ELMO1: variants seen among roughly 807,000 people sequenced by gnomAD.
ELMO1 encodes the protein engulfment and cell motility protein 1.
Under a neutral mutation model 98.9 loss-of-function variants are expected in ELMO1, and 26 were observed. The ratio of observed to expected loss-of-function variants is 0.26; its 90% CI spans 0.19 to 0.36. ELMO1 has a LOEUF of 0.36. Ranked by LOEUF, ELMO1 falls within the 10% of genes least tolerant of loss-of-function variation. ELMO1 has a pLI of 1.00. For missense variants in ELMO1, 627 were observed against 935.2 expected (o/e 0.67, Z 4.30); for synonymous variants, 346 against 346.0 (o/e 1.00, Z 0.00).
intron 6 of ELMO1, among the ~76,000 whole-genome samples, chr7:37,252,516 C>T (rs1020487891): frequency 2.0e-5 from 3 of 152,168 alleles, no homozygotes; most frequent in Admixed American, 2.0e-4. Context: ...GCTGGGAAAA[C>T]TGGCTAGCCA....
intron 15 of ELMO1, among the ~76,000 whole-genome samples, chr7:37,058,310 A>T (rs1484872314): frequency 2.0e-5 from 3 of 152,212 alleles, no homozygotes; most frequent in Non-Finnish European, 4.4e-5. Context: ...TGCAAAATTT[A>T]AAAAATCCCA....
intron 1 of ELMO1, among the ~76,000 whole-genome samples, chr7:37,406,074 A>C (rs1803745698): frequency 6.6e-6 from 1 of 152,206 alleles, no homozygotes. Flanking sequence ...GCCGTTAAGC[A>C]GACCTCATCT....
At chr7:36,879,660 T>C (rs560430188) in intron 18 of ELMO1, among the ~76,000 whole-genome samples, 13 of 152,310 alleles carry the variant, frequency 8.5e-5, no homozygotes, top group Non-Finnish European at 1.8e-4. Context: ...CATCTTTAAA[T>C]AGAGTTTGAG....
At chr7:37,249,699 G>A (rs1795231142) in intron 6 of ELMO1, among the ~76,000 whole-genome samples, 1 of 152,180 alleles carries the variant, frequency 6.6e-6, no homozygotes, top group South Asian at 2.1e-4. Flanking sequence ...GCTTTAAAAT[G>A]TATACATACT....
At chr7:37,067,928 A>G (rs1455364681) in intron 15 of ELMO1, among the ~76,000 whole-genome samples, 3 of 152,172 alleles carry the variant, frequency 2.0e-5, no homozygotes, top group African/African-American at 7.2e-5. Flanking sequence ...CTCATAAATA[A>G]AACAGTTCGA....
At chr7:37,122,604 G>A (rs564243026) in intron 14 of ELMO1, among the ~76,000 whole-genome samples, 1 of 152,254 alleles carries the variant, frequency 6.6e-6, no homozygotes, top group South Asian at 2.1e-4. Flanking sequence ...AAATATATAT[G>A]CACCCAATAC....
chr7:37,266,272 A>G (rs1243992846), intron 5 of ELMO1, among the ~76,000 whole-genome samples: 1 of 152,246 alleles, frequency 6.6e-6, no homozygotes, highest in East Asian at 1.9e-4. Flanking sequence ...AATTAAAAAA[A>G]AAAATTAATG....
Position 37,252,312 on chromosome 7 carries a change from C to T in ELMO1, c.413+6869G>A, listed in dbSNP as rs542105855. On this transcript the variant is annotated intron_variant, in intron 6 of 21. Coordinates refer to ENST00000310758, the MANE Select transcript of ELMO1 (RefSeq NM_014800.11). ...AAAAAGAACAAAGCTGGAGGCATCA[C>T]GCTACCTGACTTCAAACTATACTAC... Among the ~76,000 whole-genome samples, 287 of 152,278 alleles carry T rather than the reference C, an allele frequency of 1.9e-3. 1 individual carries two copies. Among genetic ancestry groups the T allele is most frequent in the African/African-American group, 6.7e-3 (279 of 41,554 alleles).
intron 13 of ELMO1, among the ~76,000 whole-genome samples, chr7:37,142,435 T>A (rs1386181231): frequency 6.6e-6 from 1 of 152,246 alleles, no homozygotes; most frequent in Non-Finnish European, 1.5e-5. Flanking sequence ...GCTATTCTTA[T>A]CCCGGTTCTA....
At chr7:37,139,299 T>C (rs1218975593) in intron 13 of ELMO1, among the ~76,000 whole-genome samples, 2 of 152,196 alleles carry the variant, frequency 1.3e-5, no homozygotes, top group Non-Finnish European at 2.9e-5. Flanking sequence ...TTGCTGATGA[T>C]ATGATTGTAT....
intron 16 of ELMO1, among the ~76,000 whole-genome samples, chr7:36,917,939 A>G (rs1784833684): frequency 1.3e-5 from 2 of 152,230 alleles, no homozygotes; most frequent in African/African-American, 4.8e-5. Flanking sequence ...TGAAAACATA[A>G]TACTGAGTGA....
intron 1 of ELMO1, among the ~76,000 whole-genome samples, chr7:37,422,665 A>G (rs1412340494): frequency 6.6e-6 from 1 of 152,120 alleles, no homozygotes; most frequent in Non-Finnish European, 1.5e-5. Context: ...TCCTATTTAG[A>G]AAAAAAAGCG....
chr7:36,974,987 GAA>G (rs1393016958), intron 16 of ELMO1, among the ~76,000 whole-genome samples: 1 of 151,916 alleles, frequency 6.6e-6, no homozygotes, highest in Non-Finnish European at 1.5e-5. Flanking sequence ...GAACACATCT[GAA>G]CATCAGAAGG....
chr7:37,373,149 A>G (rs948124572), intron 1 of ELMO1, among the ~76,000 whole-genome samples: 1 of 152,218 alleles, frequency 6.6e-6, no homozygotes, highest in Admixed American at 6.5e-5. Flanking sequence ...TGTAACACTG[A>G]AGACGGCGCT....
At chr7:37,312,414 C>G (rs1257790112) in intron 4 of ELMO1, among the ~76,000 whole-genome samples, 1 of 152,176 alleles carries the variant, frequency 6.6e-6, no homozygotes, top group Non-Finnish European at 1.5e-5. Flanking sequence ...ACTTTGTGCA[C>G]AACTTCTGGA....
At chr7:37,205,048 C>A (rs551944488) in intron 13 of ELMO1, among the ~76,000 whole-genome samples, 26 of 152,324 alleles carry the variant, frequency 1.7e-4, no homozygotes, top group Middle Eastern at 6.8e-3. Context: ...ACACAATTCT[C>A]CAAGTCCCCA....
intron 13 of ELMO1, among the ~76,000 whole-genome samples, chr7:37,187,395 A>C (rs1258618688): frequency 6.6e-6 from 1 of 152,170 alleles, no homozygotes; most frequent in African/African-American, 2.4e-5. Context: ...ACAACCCTGT[A>C]AACATACTAA....
At chr7:36,927,167 C>G (rs1785647017) in intron 16 of ELMO1, among the ~76,000 whole-genome samples, 1 of 152,142 alleles carries the variant, frequency 6.6e-6, no homozygotes, top group African/African-American at 2.4e-5. Context: ...ATTTTACAGA[C>G]AAGAAAACCG....
chr7:36,987,406 CAG>C (rs1025092576), intron 16 of ELMO1, among the ~76,000 whole-genome samples: 9 of 152,170 alleles, frequency 5.9e-5, no homozygotes, highest in African/African-American at 2.2e-4. Context: ...CTCAGTTCCA[CAG>C]AGATTGATGG....
Sources: gnomAD v4.1 joint callset for allele counts (sites outside exome capture counted in the v4.1 genomes callset) on GRCh38, gnomAD v4.1.1 for gene constraint, MANE v1.5 for transcripts, NCBI Gene and HGNC (gene_info 2026-07-23, HGNC 2026-07-21) for gene names.